Variants in FHIT observed in about 807,000 individuals in gnomAD.
The protein encoded by FHIT is bis(5'-adenosyl)-triphosphatase.
A neutral mutation model predicts 17.9 loss-of-function variants in FHIT; 19 were observed. That is an observed-to-expected ratio of 1.06 (90% CI 0.74 to 1.56). The LOEUF (loss-of-function observed/expected upper bound fraction) is 1.56. FHIT is among the 40% of genes most tolerant of loss of function. The pLI, the probability that FHIT is intolerant of heterozygous loss-of-function variation, is 0.00. For missense variants in FHIT, 248 were observed against 189.2 expected (o/e 1.31, Z -1.82); for synonymous variants, 81 against 69.7 (o/e 1.16, Z -0.81).
intron 4 of FHIT, among the ~76,000 whole-genome samples, chr3:60,714,893 C>G (rs1181436027): frequency 6.6e-6 from 1 of 152,196 alleles, no homozygotes; most frequent in African/African-American, 2.4e-5. Context: ...TCATCCCCAT[C>G]AAGCTACCAA....
At chr3:60,145,198 C>T (rs1470572814) in intron 5 of FHIT, among the ~76,000 whole-genome samples, 1 of 152,138 alleles carries the variant, frequency 6.6e-6, no homozygotes, top group Non-Finnish European at 1.5e-5. Flanking sequence ...AAATAATACA[C>T]AGACCTCGGT....
chr3:61,025,083 C>A (rs1162727292), intron 3 of FHIT, among the ~76,000 whole-genome samples: 5 of 152,146 alleles, frequency 3.3e-5, no homozygotes, highest in Admixed American at 2.6e-4. Flanking sequence ...GCTTGCCTAC[C>A]TTAAACAGAA....
rs752932048 is a variant in FHIT at position 59,752,227 on chromosome 3, C to T, written c.443G>A (p.Ter148=). 3.1e-6 allele frequency: 5 copies of T among 1,611,574 alleles called. No individual in the cohort carries two copies. The highest frequency in any genetic ancestry group is 3.3e-5 in the Admixed American group (2 of 59,878). ...EAAALRVYFQ[*] The stretch of plus-strand genomic sequence containing the variant: ...GACGAAATGCAGTCTTTACCTGTGT[C>T]ACTGAAAGTAGACCCGCAGAGCTGC... The change falls in exon 9 of 10, where the codon TGA becomes TAA. Residue 148 remains the stop codon, a stop_retained_variant. Coordinates refer to ENST00000492590, the MANE Select transcript of FHIT (RefSeq NM_002012.4).
chr3:61,001,483 G>C (rs946660081), intron 3 of FHIT, among the ~76,000 whole-genome samples: 3 of 152,130 alleles, frequency 2.0e-5, no homozygotes, highest in Non-Finnish European at 4.4e-5. Context: ...CAATACAAAG[G>C]AATGAACTAT....
intron 5 of FHIT, among the ~76,000 whole-genome samples, chr3:60,372,137 G>A (rs1269857517): frequency 1.3e-5 from 2 of 152,162 alleles, no homozygotes. Context: ...CTGAACAAGA[G>A]TGTTGGAAGA....
chr3:60,595,559 A>T (rs1553666031), intron 4 of FHIT, among the ~76,000 whole-genome samples: 1 of 151,302 alleles, frequency 6.6e-6, no homozygotes, highest in African/African-American at 2.4e-5. Flanking sequence ...ATATATGGAC[A>T]TATGTGTATA....
At chr3:60,897,472 G>T (rs1225188884) in intron 3 of FHIT, among the ~76,000 whole-genome samples, 2 of 152,096 alleles carry the variant, frequency 1.3e-5, no homozygotes, top group Non-Finnish European at 2.9e-5. Context: ...AGAGGATTTT[G>T]TTTAATTTCT....
chr3:60,269,362 T>C (rs1425416005), intron 5 of FHIT, among the ~76,000 whole-genome samples: 1 of 152,184 alleles, frequency 6.6e-6, no homozygotes, highest in African/African-American at 2.4e-5. Flanking sequence ...TTTCTTTCCA[T>C]TTGAAATAGT....
At chr3:61,235,451 T>C (rs537044977) in intron 1 of FHIT, among the ~76,000 whole-genome samples, 1 of 152,344 alleles carries the variant, frequency 6.6e-6, no homozygotes, top group East Asian at 1.9e-4. Context: ...AAGGTCTCTT[T>C]TAACTTGCTT....
chr3:60,011,166 A>G (rs532297089), intron 7 of FHIT, among the ~76,000 whole-genome samples: 1 of 150,424 alleles, frequency 6.6e-6, no homozygotes, highest in Non-Finnish European at 1.5e-5. Flanking sequence ...TTTACTACTA[A>G]AAGTAAATGT....
chr3:61,236,662 G>A (rs923744952), intron 1 of FHIT, among the ~76,000 whole-genome samples: 14 of 152,230 alleles, frequency 9.2e-5, no homozygotes, highest in African/African-American at 3.1e-4. Context: ...AAGGCAGTGG[G>A]AGAGCCAGAA....
chr3:60,794,148 A>G (rs1700889717), intron 4 of FHIT, among the ~76,000 whole-genome samples: 1 of 152,188 alleles, frequency 6.6e-6, no homozygotes, highest in South Asian at 2.1e-4. Flanking sequence ...ACAGTTTTCT[A>G]TAAATCCTTC....
chr3:61,029,954 A>C (rs1320811854), intron 3 of FHIT, among the ~76,000 whole-genome samples: 2 of 152,104 alleles, frequency 1.3e-5, no homozygotes, highest in Non-Finnish European at 2.9e-5. Flanking sequence ...ACCTGAATCA[A>C]AATCTACATT....
At chr3:59,979,863 T>A (rs375417753) in intron 7 of FHIT, among the ~76,000 whole-genome samples, 4 of 152,102 alleles carry the variant, frequency 2.6e-5, no homozygotes, top group East Asian at 3.9e-4. Context: ...GAGAATTAAA[T>A]TCAGCACTTT....
intron 5 of FHIT, among the ~76,000 whole-genome samples, chr3:60,294,180 A>G (rs1375075366): frequency 1.3e-5 from 2 of 152,166 alleles, no homozygotes; most frequent in African/African-American, 2.4e-5. Context: ...ATTGTTGAAA[A>G]GAGATGCCAG....
At chr3:59,791,336 G>T (rs1032742463) in intron 8 of FHIT, among the ~76,000 whole-genome samples, 3 of 152,068 alleles carry the variant, frequency 2.0e-5, no homozygotes, top group Non-Finnish European at 2.9e-5. Flanking sequence ...GTGGGGTGGG[G>T]GAAACCCACA....
intron 8 of FHIT, among the ~76,000 whole-genome samples, chr3:59,816,293 TATC>T (rs906384675): frequency 6.6e-6 from 1 of 152,228 alleles, no homozygotes; most frequent in African/African-American, 2.4e-5. Flanking sequence ...TACACTCAGT[TATC>T]ATCACATATG....
At chr3:60,987,016 T>A (rs957456265) in intron 3 of FHIT, among the ~76,000 whole-genome samples, 3 of 152,194 alleles carry the variant, frequency 2.0e-5, no homozygotes, top group East Asian at 1.9e-4. Flanking sequence ...TGAAACTATG[T>A]CACTTGTACC....
chr3:60,954,722 T>A (rs1393097619), intron 3 of FHIT, among the ~76,000 whole-genome samples: 1 of 152,152 alleles, frequency 6.6e-6, no homozygotes, highest in Non-Finnish European at 1.5e-5. Context: ...AATTGGATAA[T>A]ACCCAGATAA....
Sources: gnomAD v4.1 joint callset for allele counts (sites outside exome capture counted in the v4.1 genomes callset) on GRCh38, gnomAD v4.1.1 for gene constraint, MANE v1.5 for transcripts, NCBI Gene and HGNC (gene_info 2026-07-23, HGNC 2026-07-21) for gene names.